Variants in PLBD1 observed in about 807,000 individuals in gnomAD.
The protein encoded by PLBD1 is lysosomal leucine aminopeptidase.
In PLBD1, 60 loss-of-function variants were observed where a neutral mutation model predicts 63.0. That is an observed-to-expected ratio of 0.95 (90% CI 0.77 to 1.18). The LOEUF is 1.18. Ranked by LOEUF, PLBD1 falls within the 50% of genes most tolerant of loss-of-function variation. The pLI is 0.00. For synonymous variants in PLBD1, 262 were observed against 248.0 expected, an observed-to-expected ratio of 1.06 and a Z score of -0.53; for missense variants, 598 against 677.9, an observed-to-expected ratio of 0.88 and a Z score of 1.31.
At chr12:14,524,224 C>T (rs148000983) in intron 6 of PLBD1, among the ~76,000 whole-genome samples, 5 of 151,906 alleles carry the variant, frequency 3.3e-5, no homozygotes, top group Admixed American at 6.6e-5. Context: ...GAGAAAGTTG[C>T]GGTATTCTAT....
At chr12:14,520,471 AC>A (rs1945366315) in intron 6 of PLBD1, among the ~76,000 whole-genome samples, 1 of 147,082 alleles carries the variant, frequency 6.8e-6, no homozygotes, top group South Asian at 2.1e-4. Flanking sequence ...AAAAACAACA[AC>A]AAAAAAAGTA....
At chr12:14,560,086 T>C (rs542003602) in intron 1 of PLBD1, among the ~76,000 whole-genome samples, 23 of 152,250 alleles carry the variant, frequency 1.5e-4, no homozygotes, top group African/African-American at 3.9e-4. Context: ...TCTCGAACTC[T>C]TGACCTCAGG....
At position 14,553,253 on chromosome 12, in the gene PLBD1, G is replaced by A; in HGVS notation, c.275C>T (p.Thr92Ile). 6.2e-7 allele frequency: 1 copy of A among 1,614,102 alleles called. No homozygotes were observed. The highest frequency in any genetic ancestry group is 1.3e-5 in the African/African-American group (1 of 75,020). Residue 92 changes from threonine to isoleucine, a missense_variant, in exon 2 of 11, where the codon ACC becomes ATC. Thr to Ile is a moderately conservative substitution (Grantham distance 89). Transcript: ENST00000240617. ...LEIRAGYGSQ[T>I]LSNEIIMFVA... Reference sequence around the variant, plus strand: ...AAACATGATGATCTCATTGCTCAGGGTTTGAGAGCCATAGCCAGCTCTGAT... The same window carrying A: ...AAACATGATGATCTCATTGCTCAGGATTTGAGAGCCATAGCCAGCTCTGAT...
intron 6 of PLBD1, among the ~76,000 whole-genome samples, chr12:14,513,278 T>G (rs761056543): frequency 6.6e-6 from 1 of 152,236 alleles, no homozygotes; most frequent in Non-Finnish European, 1.5e-5. Flanking sequence ...TATTAACATA[T>G]GCACTACTTA....
At chr12:14,541,781 G>A (rs370559813) in intron 3 of PLBD1, among the ~76,000 whole-genome samples, 1 of 152,140 alleles carries the variant, frequency 6.6e-6, no homozygotes, top group Non-Finnish European at 1.5e-5. Flanking sequence ...ATTCTCAGAG[G>A]GTGTTAAGAG....
intron 1 of PLBD1, 121 bp downstream of exon 1, chr12:14,567,461 T>C: frequency 7.5e-7 from 1 of 1,325,394 alleles, no homozygotes; most frequent in Non-Finnish European, 9.7e-7. Context: ...CGCGTTTCTC[T>C]GAGTTCACCC....
rs552591303 is a variant in PLBD1, at chr12:14,555,878, T to C, written c.116-2466A>G. 2.6e-5 allele frequency among the ~76,000 whole-genome samples: 4 copies of C among 152,354 alleles called. No individual in the cohort carries two copies. The South Asian group carries it at 8.3e-4, about 32-fold the overall frequency. On this transcript the variant is annotated intron_variant, in intron 1 of 10. Transcript: ENST00000240617. ...ATCTTTATGCCTTGTCACACTGTAC[T>C]GTAACTTACATGCTTGCCCCTGCTC...
chr12:14,511,169 CACCA>C, intron 8 of PLBD1, 87 bp downstream of exon 8: 1 of 1,223,912 alleles, frequency 8.2e-7, no homozygotes, highest in Non-Finnish European at 1.1e-6. Context: ...TACCCTCCCC[CACCA>C]CACATTCACA....
intron 6 of PLBD1, among the ~76,000 whole-genome samples, chr12:14,532,089 C>T (rs536675219): frequency 1.3e-5 from 2 of 152,192 alleles, no homozygotes; most frequent in Non-Finnish European, 2.9e-5. Flanking sequence ...AACCCTCCCC[C>T]ACCTTCACTC....
chr12:14,563,803 T>C (rs1463689252), intron 1 of PLBD1, among the ~76,000 whole-genome samples: 2 of 152,150 alleles, frequency 1.3e-5, no homozygotes, highest in East Asian at 3.8e-4. Flanking sequence ...AACACAGGCA[T>C]TAGGGTTCCA....
rs538584078 is a variant in PLBD1 at position 14,563,737 on chromosome 12, A to C, written c.115+3845T>G. On this transcript the variant is annotated intron_variant, in intron 1 of 10. Transcript: ENST00000240617. ...CTTCCAGTTGAGGAAACCAAAGTAC[A>C]TATAGAGAAAATAACTGACTAAAGG... Among the ~76,000 whole-genome samples, 6 of 152,224 alleles carry C rather than the reference A, an allele frequency of 3.9e-5. No individual in the cohort carries two copies. The South Asian group carries it at 1.2e-3, about 32-fold the overall frequency.
Position 14,567,842 on chromosome 12 carries a change from G to A in PLBD1, c.-146C>T, listed in dbSNP as rs952191528. On this transcript the variant is annotated 5_prime_UTR_variant, in exon 1 of 11. Coordinates refer to ENST00000240617, the MANE Select transcript of PLBD1 (RefSeq NM_024829.6). ...CTCAACTTTCCTCTTTCTTGAGCCC[G>A]GCCTGCTCCGGGCTCTGAGGGGCGA... The A allele has an allele frequency of 1.3e-5, 15 of 1,150,694 alleles. No individual in the cohort carries two copies. In the African/African-American group the frequency reaches 2.1e-4, roughly 16 times the overall value. The allele number at this position is 1,150,694 out of a possible 1,614,324, so 71.3% of individuals were successfully genotyped here.
chr12:14,561,428 G>A (rs917419783), intron 1 of PLBD1, among the ~76,000 whole-genome samples: 20 of 152,046 alleles, frequency 1.3e-4, no homozygotes, highest in Admixed American at 1.0e-3. Flanking sequence ...ATGCATTTGT[G>A]TCTGCTTGGT....
chr12:14,557,396 A>T (rs899619106), intron 1 of PLBD1, among the ~76,000 whole-genome samples: 1 of 152,196 alleles, frequency 6.6e-6, no homozygotes, highest in African/African-American at 2.4e-5. Context: ...AATAGCAAAG[A>T]CATGGAATTA....
At chr12:14,552,521 T>C (rs1421145373) in intron 2 of PLBD1, among the ~76,000 whole-genome samples, 4 of 152,212 alleles carry the variant, frequency 2.6e-5, no homozygotes, top group Non-Finnish European at 5.9e-5. Context: ...CCCTGCTCTG[T>C]TGTTCTCAAG....
chr12:14,529,136 A>G (rs572063162), intron 6 of PLBD1, among the ~76,000 whole-genome samples: 3 of 152,230 alleles, frequency 2.0e-5, no homozygotes, highest in Non-Finnish European at 4.4e-5. Flanking sequence ...TTGAGGCTGC[A>G]GTGAGCTATG....
intron 1 of PLBD1, among the ~76,000 whole-genome samples, chr12:14,565,472 TAA>T (rs536473852): frequency 1.5e-5 from 2 of 130,836 alleles, no homozygotes; most frequent in Admixed American, 1.5e-4. Context: ...GAAATAATAG[TAA>T]AAAAAAAAAA....
At chr12:14,523,819 A>C (rs948787069) in intron 6 of PLBD1, among the ~76,000 whole-genome samples, 5 of 152,194 alleles carry the variant, frequency 3.3e-5, no homozygotes, top group African/African-American at 4.8e-5. Flanking sequence ...TATCCAAAGG[A>C]AATGAAATAA....
chr12:14,525,327 G>T (rs1430885989), intron 6 of PLBD1, among the ~76,000 whole-genome samples: 1 of 151,788 alleles, frequency 6.6e-6, no homozygotes, highest in Non-Finnish European at 1.5e-5. Flanking sequence ...GAAGATAGAA[G>T]ATTAATGGGA....
Sources: allele counts gnomAD v4.1 joint callset (sites outside exome capture counted in the v4.1 genomes callset), GRCh38; gene constraint gnomAD v4.1.1; transcripts MANE v1.5; gene names NCBI Gene and HGNC (gene_info 2026-07-23, HGNC 2026-07-21).